Variants in KHNYN observed in about 807,000 individuals in gnomAD.
KHNYN encodes the protein KH and NYN domain containing, also known as protein KHNYN.
Under a neutral mutation model 62.7 loss-of-function variants are expected in KHNYN, and 42 were observed. That is an observed-to-expected ratio of 0.67 (90% CI 0.52 to 0.87). KHNYN has a LOEUF of 0.87. Ranked by LOEUF, KHNYN falls within the 40% of genes least tolerant of loss-of-function variation. The pLI, the probability that KHNYN is intolerant of heterozygous loss-of-function variation, is 0.00. For missense variants in KHNYN, 829 were observed against 874.1 expected (o/e 0.95, Z 0.65); for synonymous variants, 347 against 345.6 (o/e 1.00, Z -0.04).
chr14:24,437,051 T>A lies in KHNYN; in HGVS notation c.1803T>A (p.Ser601=). 1 of 1,614,056 alleles carries A rather than the reference T, an allele frequency of 6.2e-7. No homozygotes were observed. ...TTCTTCCCAGGACACAGGGGTCTTC[T>A]AAGGCTCAGCATCCTTCCAGGGGCT... ...LKKPARTQGS[S]KAQHPSRGFA... Residue 601 remains serine, a synonymous_variant, in exon 8 of 8, where the codon TCT becomes TCA. Transcript: ENST00000553935. The surrounding 1 kb of genome is among the most constrained non-coding windows in gnomAD (Gnocchi z 5.5).
At chr14:24,423,337 A>C in the KHNYN span, among the ~76,000 whole-genome samples, 1 of 152,080 alleles carries the variant, frequency 6.6e-6, no homozygotes, top group Non-Finnish European at 1.5e-5. Context: ...GGAAGGAGTG[A>C]GTAGAAAGGA....
upstream of KHNYN, chr14:24,429,413 T>C: frequency 1.8e-6 from 1 of 555,712 alleles, no homozygotes; most frequent in Non-Finnish European, 3.4e-6. Context: ...ACATGGTATG[T>C]GTGTGTGACG....
At chr14:24,435,800 G>A in intron 5 of KHNYN, 1 of 489,546 alleles carries the variant, frequency 2.0e-6, no homozygotes, top group Non-Finnish European at 3.7e-6. Context: ...CTGGGTCAAG[G>A]TGAGGTAGGG....
At chr14:24,429,774 C>G (rs1449975742), upstream of KHNYN, 4 of 985,448 alleles carry the variant, frequency 4.1e-6, no homozygotes, top group Non-Finnish European at 4.8e-6. Flanking sequence ...ACCCTGAGGG[C>G]CGGGAGACAG....
intron 1 of KHNYN, 184 bp from the exon 2 acceptor site, chr14:24,430,530 C>A: frequency 7.1e-7 from 1 of 1,402,318 alleles, no homozygotes; most frequent in Non-Finnish European, 9.3e-7. Flanking sequence ...GGGACTTCCT[C>A]TCCGGAGAGG....
chr14:24,440,493 C>T lies in KHNYN; in HGVS notation c.*3208C>T. ...CCACCCCCACGGCCCAGCACAACCC[C>T]TAGAGCAGGAAAGAGGGAAGGTACA... On this transcript the variant is annotated 3_prime_UTR_variant, in exon 8 of 8. Transcript: ENST00000553935. The T allele has an allele frequency of 6.2e-7, 1 of 1,601,140 alleles. No homozygotes were observed. The highest frequency in any genetic ancestry group is 8.5e-7 in the Non-Finnish European group (1 of 1,173,958).
At chr14:24,423,271 C>A in the KHNYN span, among the ~76,000 whole-genome samples, 1 of 152,162 alleles carries the variant, frequency 6.6e-6, no homozygotes, top group African/African-American at 2.4e-5. Flanking sequence ...ACTTCCATGC[C>A]TATCTTCTCT....
chr14:24,428,170 G>A (rs1329692809), upstream of KHNYN: 2 of 1,433,928 alleles, frequency 1.4e-6, no homozygotes, highest in African/African-American at 2.8e-5. Flanking sequence ...TTCCTCCCCT[G>A]GTCCTGGCCT....
In KHNYN at chr14:24,440,519, G is replaced by A. The variant is rs776703575; in HGVS notation, c.*3234G>A. On this transcript the variant is annotated 3_prime_UTR_variant, in exon 8 of 8. Transcript: ENST00000553935. ...TAGAGCAGGAAAGAGGGAAGGTACA[G>A]GGGTCCTCTCAGCCTTGAAGGAGCC... 17 of 1,583,474 alleles carry A rather than the reference G, an allele frequency of 1.1e-5. No homozygotes were observed. In the South Asian group the frequency reaches 1.8e-4, roughly 17 times the overall value.
rs771978278 is a variant in KHNYN, at chr14:24,432,986, C to CCA, written c.1532_1533insAC (p.Ser512ProfsTer19). ...TTCCCTCAGCCTGCTCTCCCTCACA[C>CCA]CCTCACGAGTCATGGATGGCAAGAG... On this transcript the variant is annotated frameshift_variant, in exon 5 of 8. Transcript: ENST00000553935. LOFTEE classifies it high-confidence loss of function. This position sits in a 1 kb window ranked among gnomAD's most constrained non-coding sequence, Gnocchi z 5.6. The CCA allele has an allele frequency of 6.2e-7, 1 of 1,614,204 alleles. No homozygotes were observed. Among genetic ancestry groups the CCA allele is most frequent in the Non-Finnish European group, 8.5e-7 (1 of 1,180,020 alleles).
upstream of KHNYN, chr14:24,428,165 C>T (rs2043041702): frequency 2.1e-6 from 3 of 1,424,190 alleles, no homozygotes; most frequent in Middle Eastern, 2.1e-4. Context: ...GCCCATTCCT[C>T]CCCTGGTCCT....
Position 24,441,764 on chromosome 14 carries a change from C to G in KHNYN, c.*4479C>G, listed in dbSNP as rs764455332. 6 of 1,603,770 alleles carry G rather than the reference C, an allele frequency of 3.7e-6. No individual in the cohort carries two copies. Among genetic ancestry groups the G allele is most frequent in the South Asian group, 2.2e-5 (2 of 88,996 alleles). On this transcript the variant is annotated 3_prime_UTR_variant, in exon 8 of 8. Coordinates refer to ENST00000553935, the MANE Select transcript of KHNYN (RefSeq NM_015299.3). ...AATTGGGTGGTCTCTAGGCGGCTGC[C>G]GATTACCTCTTTTTGGAAGGTTTCA... is the stretch of plus-strand genomic sequence containing the variant.
chr14:24,429,776 G>A, upstream of KHNYN: 4 of 985,456 alleles, frequency 4.1e-6, no homozygotes, highest in Non-Finnish European at 4.8e-6. Flanking sequence ...CCTGAGGGCC[G>A]GGAGACAGAC....
chr14:24,428,214 G>A (rs2043042610), upstream of KHNYN: 3 of 1,584,152 alleles, frequency 1.9e-6, no homozygotes, highest in South Asian at 2.3e-5. Context: ...TCCACCCGGA[G>A]GTCAGCTGGG....
upstream of KHNYN, among the ~76,000 whole-genome samples, chr14:24,428,593 G>A (rs138784599): frequency 0.011 from 1,709 of 152,180 alleles, 14 homozygotes; most frequent in Non-Finnish European, 0.014. Flanking sequence ...GGTGGAGGGA[G>A]GGGAAACCGT....
intron 5 of KHNYN, chr14:24,434,376 A>C: frequency 1.0e-6 from 1 of 985,272 alleles, no homozygotes; most frequent in Non-Finnish European, 1.2e-6. Context: ...GGAAAATACC[A>C]TTTGCATACC....
At position 24,437,355 on chromosome 14, in the gene KHNYN, G is replaced by C; in HGVS notation, c.*70G>C. 1 of 1,543,030 alleles carries C rather than the reference G, an allele frequency of 6.5e-7. No individual in the cohort carries two copies. Among genetic ancestry groups the C allele is most frequent in the Non-Finnish European group, 8.8e-7 (1 of 1,141,066 alleles). ...CTCCAGCTCAGCCCTTTCTGTGAGA[G>C]TCCCTCTGCTGCTCACTCTGATCCA... On this transcript the variant is annotated 3_prime_UTR_variant, in exon 8 of 8. Transcript: ENST00000553935. This position sits in a 1 kb window ranked among gnomAD's most constrained non-coding sequence, Gnocchi z 5.5.
Position 24,437,177 on chromosome 14 carries a change from G to C in KHNYN, c.1929G>C (p.Leu643=). The C allele has an allele frequency of 6.2e-7, 1 of 1,614,222 alleles. No homozygotes were observed. The highest frequency in any genetic ancestry group is 8.5e-7 in the Non-Finnish European group (1 of 1,180,042). Residue 643 remains leucine, a synonymous_variant, in exon 8 of 8, where the codon CTG becomes CTC. Transcript: ENST00000553935. This position sits in a 1 kb window ranked among gnomAD's most constrained non-coding sequence, Gnocchi z 5.5. ...RETERLRRQL[L]EVFWGQDHKV... ...CAGAGCGGCTCCGGCGGCAGCTGCT[G>C]GAGGTGTTTTGGGGTCAGGATCACA...
At chr14:24,429,642 G>A (rs2043067589), upstream of KHNYN, 2 of 1,123,518 alleles carry the variant, frequency 1.8e-6, no homozygotes, top group African/African-American at 1.7e-5. Context: ...AAAGTGCTTG[G>A]GCCTAGAGCA....
Sources: gnomAD v4.1 joint callset for allele counts (sites outside exome capture counted in the v4.1 genomes callset) on GRCh38, gnomAD v4.1.1 for gene constraint, Gnocchi (gnomAD v3.1) non-coding constraint, MANE v1.5 for transcripts, NCBI Gene and HGNC (gene_info 2026-07-23, HGNC 2026-07-21) for gene names.